Variants in NTM observed in about 807,000 individuals in gnomAD.
NTM encodes the protein neurotrimin, also known as IgLON family member 2.
A neutral mutation model predicts 42.1 loss-of-function variants in NTM; 13 were observed. The ratio of observed to expected loss-of-function variants is 0.31; its 90% CI spans 0.20 to 0.49. The LOEUF is 0.49. Among genes scored for constraint, NTM ranks in the 20% least tolerant of loss-of-function variants. The probability of loss-of-function intolerance (pLI) is 0.99; values close to 1 mark genes in which losing one functional copy is unlikely to be tolerated. For missense variants in NTM, 373 were observed against 452.8 expected, an observed-to-expected ratio of 0.82 and a Z score of 1.60; for synonymous variants, 187 against 179.2, an observed-to-expected ratio of 1.04 and a Z score of -0.35.
chr11:132,156,860 CT>C (rs1469406504), intron 3 of NTM, among the ~76,000 whole-genome samples: 1 of 152,144 alleles, frequency 6.6e-6, no homozygotes, highest in Non-Finnish European at 1.5e-5. Flanking sequence ...TCACATAAAT[CT>C]TTACAAAAGG....
intron 2 of NTM, among the ~76,000 whole-genome samples, chr11:132,052,071 C>G (rs1315384778): frequency 1.3e-5 from 2 of 152,100 alleles, no homozygotes; most frequent in Non-Finnish European, 2.9e-5. Flanking sequence ...AAATTGCAAA[C>G]AGGCCTTTTA....
chr11:131,803,375 C>T (rs2136244633), intron 1 of NTM, among the ~76,000 whole-genome samples: 1 of 151,626 alleles, frequency 6.6e-6, no homozygotes, highest in Admixed American at 6.6e-5. Flanking sequence ...GTGGTGCAAT[C>T]TTGGCTCACC....
intron 1 of NTM, among the ~76,000 whole-genome samples, chr11:131,443,923 C>G (rs1214309889): frequency 6.6e-6 from 1 of 152,120 alleles, no homozygotes; most frequent in East Asian, 1.9e-4. Context: ...TCAGATAAAA[C>G]TATAGTTCCA....
chr11:131,424,999 C>A (rs1177459417), intron 1 of NTM, among the ~76,000 whole-genome samples: 2 of 151,362 alleles, frequency 1.3e-5, no homozygotes, highest in African/African-American at 4.9e-5. Flanking sequence ...TCTGCATCAG[C>A]CTCCCAAGTA....
chr11:131,790,214 C>G (rs938680577), intron 1 of NTM, among the ~76,000 whole-genome samples: 1 of 151,970 alleles, frequency 6.6e-6, no homozygotes, highest in African/African-American at 2.4e-5. Context: ...AAAATCCGAG[C>G]AAATCATAGA....
rs541723901 is a variant in NTM, at chr11:131,543,715, G to A, written c.82+172827G>A. Among the ~76,000 whole-genome samples the A allele has an allele frequency of 9.2e-5, 14 of 152,258 alleles. No homozygotes were observed. The South Asian group carries it at 1.7e-3, about 18-fold the overall frequency. On this transcript the variant is annotated intron_variant, in intron 1 of 8. Coordinates refer to ENST00000683400, the MANE Select transcript of NTM (RefSeq NM_001352005.2). ...CTTTCAGAGAAGCACAGGTTCGAGCGCTCTCCCTTGCCCAGTCCTTCATCA... is the reference window on the plus strand; with the variant it reads ...CTTTCAGAGAAGCACAGGTTCGAGCACTCTCCCTTGCCCAGTCCTTCATCA...
chr11:131,938,765 G>A (rs2059494695), intron 2 of NTM, among the ~76,000 whole-genome samples: 1 of 152,122 alleles, frequency 6.6e-6, no homozygotes, highest in African/African-American at 2.4e-5. Context: ...TGTAGAAACA[G>A]CGTGTACATA....
At chr11:131,997,615 G>T (rs2068318239) in intron 2 of NTM, among the ~76,000 whole-genome samples, 1 of 152,158 alleles carries the variant, frequency 6.6e-6, no homozygotes, top group Admixed American at 6.5e-5. Context: ...TGGAACACTT[G>T]TAATGATCTG....
intron 1 of NTM, among the ~76,000 whole-genome samples, chr11:131,499,790 G>C (rs1591838915): frequency 6.6e-6 from 1 of 152,192 alleles, no homozygotes; most frequent in Non-Finnish European, 1.5e-5. Flanking sequence ...GCCAGATTAG[G>C]TTCCCCTTCA....
chr11:132,083,969 T>A (rs2059393516), intron 2 of NTM, among the ~76,000 whole-genome samples: 1 of 151,884 alleles, frequency 6.6e-6, no homozygotes, highest in South Asian at 2.1e-4. Context: ...AAAAAAAAAT[T>A]AGCAATATTT....
At chr11:131,868,653 A>T (rs1200726081) in intron 1 of NTM, among the ~76,000 whole-genome samples, 1 of 152,086 alleles carries the variant, frequency 6.6e-6, no homozygotes, top group African/African-American at 2.4e-5. Context: ...GCACACCCTG[A>T]GCTCTGTGTC....
chr11:131,484,892 A>T (rs1232053282), intron 1 of NTM, among the ~76,000 whole-genome samples: 1 of 152,242 alleles, frequency 6.6e-6, no homozygotes, highest in East Asian at 1.9e-4. Context: ...GAAATGGAAC[A>T]TAAGCATTGA....
intron 2 of NTM, among the ~76,000 whole-genome samples, chr11:132,011,221 T>C (rs1477848246): frequency 6.6e-6 from 1 of 152,136 alleles, no homozygotes; most frequent in Middle Eastern, 3.2e-3. Context: ...ATTGATACTA[T>C]GATTTGAAAA....
In NTM at chr11:131,566,506, C is replaced by T. The variant is rs372626262; in HGVS notation, c.82+195618C>T. ...AGGGGCATGCAGAAGGAGAGCCAAA[C>T]TGCTGCTCGACTCATCATCCACGCA... On this transcript the variant is annotated intron_variant, in intron 1 of 8. Transcript: ENST00000683400. 2.0e-5 allele frequency among the ~76,000 whole-genome samples: 3 copies of T among 152,150 alleles called. No homozygotes were observed. The East Asian group carries it at 5.8e-4, about 30-fold the overall frequency.
At chr11:131,738,612 T>C (rs73035814) in intron 1 of NTM, among the ~76,000 whole-genome samples, 22,195 of 152,188 alleles carry the variant, frequency 0.15, 1,949 homozygotes, top group East Asian at 0.3. Context: ...ACTTTCATAG[T>C]CAATTCTCGA....
chr11:131,490,430 C>G (rs1954655135), intron 1 of NTM, among the ~76,000 whole-genome samples: 1 of 152,154 alleles, frequency 6.6e-6, no homozygotes, highest in African/African-American at 2.4e-5. Flanking sequence ...AAAACAACAA[C>G]AAGTATTTCC....
intron 2 of NTM, among the ~76,000 whole-genome samples, chr11:132,030,697 T>C (rs1345312684): frequency 1.3e-5 from 2 of 152,158 alleles, no homozygotes; most frequent in African/African-American, 4.8e-5. Context: ...GAGTATGCTT[T>C]GGATCAGGAA....
intron 1 of NTM, among the ~76,000 whole-genome samples, chr11:131,451,488 T>A (rs541359906): frequency 2.0e-5 from 3 of 152,186 alleles, no homozygotes; most frequent in African/African-American, 7.2e-5. Context: ...AGAGCGAGAC[T>A]GGGGGTGCAG....
At chr11:131,928,838 C>T (rs2058258002) in intron 2 of NTM, among the ~76,000 whole-genome samples, 1 of 152,220 alleles carries the variant, frequency 6.6e-6, no homozygotes, top group Admixed American at 6.5e-5. Flanking sequence ...TTGCATTTTC[C>T]ACCTCCTTCT....
Sources: gnomAD v4.1 joint callset for allele counts (sites outside exome capture counted in the v4.1 genomes callset) on GRCh38, gnomAD v4.1.1 for gene constraint, MANE v1.5 for transcripts, NCBI Gene and HGNC (gene_info 2026-07-23, HGNC 2026-07-21) for gene names.